AUH: variants seen among roughly 807,000 people sequenced by gnomAD.
AUH encodes methylglutaconyl-CoA hydratase, mitochondrial.
Under a neutral mutation model 42.3 loss-of-function variants are expected in AUH, and 29 were observed. That is an observed-to-expected ratio of 0.69 (90% CI 0.51 to 0.93). AUH has a LOEUF of 0.93. Ranked by LOEUF, AUH falls within the 40% of genes least tolerant of loss-of-function variation. The probability of loss-of-function intolerance (pLI) is 0.00; values close to 1 mark genes in which losing one functional copy is unlikely to be tolerated. For synonymous variants in AUH, 174 were observed against 166.4 expected (o/e 1.05, Z -0.35); for missense variants, 452 against 438.1 (o/e 1.03, Z -0.28).
intron 4 of AUH, among the ~76,000 whole-genome samples, chr9:91,303,487 C>T (rs904544164): frequency 1.3e-5 from 2 of 152,124 alleles, no homozygotes; most frequent in East Asian, 1.9e-4. Context: ...CCCGCCACTA[C>T]GCCCAGCTAA....
intron 1 of AUH, among the ~76,000 whole-genome samples, chr9:91,361,038 C>A (rs545915511): frequency 2.6e-5 from 4 of 152,168 alleles, no homozygotes; most frequent in African/African-American, 9.6e-5. Context: ...AGCTCAAGGG[C>A]AAGATCCATA....
chr9:91,335,394 A>G (rs1362064032), intron 3 of AUH, among the ~76,000 whole-genome samples: 5 of 152,184 alleles, frequency 3.3e-5, no homozygotes, highest in Non-Finnish European at 5.9e-5. Flanking sequence ...TGTGGAATTT[A>G]TATCTATGGC....
chr9:91,352,539 A>T (rs1006444468), intron 3 of AUH, among the ~76,000 whole-genome samples: 9 of 152,172 alleles, frequency 5.9e-5, no homozygotes, highest in South Asian at 2.1e-4. Flanking sequence ...AAAATTGATT[A>T]AAAAACTTAA....
At chr9:91,342,009 G>T (rs1040516217) in intron 3 of AUH, among the ~76,000 whole-genome samples, 21 of 152,194 alleles carry the variant, frequency 1.4e-4, no homozygotes, top group African/African-American at 5.1e-4. Flanking sequence ...TGGGAAATTG[G>T]TGGGAAAAGG....
chr9:91,318,696 T>C (rs10991883), intron 4 of AUH, among the ~76,000 whole-genome samples: 10,944 of 152,284 alleles, frequency 0.072, 685 homozygotes, highest in East Asian at 0.26. Context: ...AAGATGGTGC[T>C]GGCCCCTTCA....
chr9:91,296,037 C>CG lies in AUH; in HGVS notation c.638dup (p.Ile214AspfsTer81). On this transcript the variant is annotated frameshift_variant, in exon 6 of 10. Transcript: ENST00000375731. LOFTEE classifies it high-confidence loss of function. ...TACTCATACCTCCACCAGGAATAAT[C>CG]GCCAATTTTGTTTCAACCAGGCCCA... 6.2e-7 allele frequency: 1 copy of CG among 1,613,956 alleles called. No homozygotes were observed. Among genetic ancestry groups the CG allele is most frequent in the Non-Finnish European group, 8.5e-7 (1 of 1,179,976 alleles).
chr9:91,359,671 T>C (rs10991903), intron 1 of AUH, among the ~76,000 whole-genome samples: 10,708 of 152,184 alleles, frequency 0.07, 670 homozygotes, highest in East Asian at 0.26. Flanking sequence ...AGACCTGGTG[T>C]ATTCTGCACT....
At chr9:91,256,626 G>A (rs989884521) in intron 6 of AUH, among the ~76,000 whole-genome samples, 3 of 152,050 alleles carry the variant, frequency 2.0e-5, no homozygotes, top group East Asian at 3.9e-4. Flanking sequence ...GGAGACTGAG[G>A]TGCCTCCAAG....
intron 4 of AUH, among the ~76,000 whole-genome samples, chr9:91,299,006 G>A (rs1473777360): frequency 6.6e-6 from 1 of 152,100 alleles, no homozygotes; most frequent in Admixed American, 6.5e-5. Flanking sequence ...ATCACCTGAG[G>A]TCAGGAGTTC....
chr9:91,284,516 G>A (rs904869422), intron 6 of AUH, among the ~76,000 whole-genome samples: 1 of 152,182 alleles, frequency 6.6e-6, no homozygotes, highest in African/African-American at 2.4e-5. Context: ...TGCCATCAGC[G>A]TGAACAGGCA....
rs144596739 is a variant in AUH at position 91,354,029 on chromosome 9, G to A, written c.418+1854C>T. The stretch of plus-strand genomic sequence containing the variant: ...CAAAAATACAAAAATTTAGCCAGGC[G>A]TGGTGGCGGGCATCTGTAATCCCAG... On this transcript the variant is annotated intron_variant, in intron 3 of 9. Coordinates refer to ENST00000375731, the MANE Select transcript of AUH (RefSeq NM_001698.3). Among the ~76,000 whole-genome samples, 844 of 150,498 alleles carry A rather than the reference G, an allele frequency of 5.6e-3. 11 individuals are homozygous for A. The highest frequency in any genetic ancestry group is 0.042 in the East Asian group (212 of 5,070).
chr9:91,280,894 T>C (rs1825905983), intron 6 of AUH, among the ~76,000 whole-genome samples: 1 of 152,216 alleles, frequency 6.6e-6, no homozygotes, highest in Admixed American at 6.5e-5. Context: ...AGTCCAATTT[T>C]TCCTACAACA....
At chr9:91,357,934 A>G (rs1832555452) in intron 1 of AUH, among the ~76,000 whole-genome samples, 1 of 152,238 alleles carries the variant, frequency 6.6e-6, no homozygotes, top group African/African-American at 2.4e-5. Flanking sequence ...CGTAGGTATA[A>G]ACATATACAC....
At chr9:91,261,627 G>T (rs545282723) in intron 6 of AUH, among the ~76,000 whole-genome samples, 2 of 152,190 alleles carry the variant, frequency 1.3e-5, no homozygotes, top group Non-Finnish European at 2.9e-5. Flanking sequence ...ATCCTGTGTT[G>T]TATCTCACAT....
intron 6 of AUH, among the ~76,000 whole-genome samples, chr9:91,228,404 CT>C (rs1827652874): frequency 6.8e-6 from 1 of 148,108 alleles, no homozygotes; most frequent in Non-Finnish European, 1.5e-5. Context: ...GTGATATCCC[CT>C]TTATCATTTT....
chr9:91,270,873 AG>A (rs1825069146), intron 6 of AUH, among the ~76,000 whole-genome samples: 1 of 152,154 alleles, frequency 6.6e-6, no homozygotes, highest in Admixed American at 6.5e-5. Flanking sequence ...TAGTATGCAT[AG>A]AAAAATTTCA....
intron 6 of AUH, among the ~76,000 whole-genome samples, chr9:91,225,538 CT>C (rs954897942): frequency 3.6e-4 from 54 of 151,056 alleles, no homozygotes; most frequent in Non-Finnish European, 6.4e-4. Context: ...AGTGCCAGTT[CT>C]TTTTTTTTAT....
At chr9:91,296,561 G>A (rs1347540116) in intron 5 of AUH, among the ~76,000 whole-genome samples, 1 of 152,136 alleles carries the variant, frequency 6.6e-6, no homozygotes, top group East Asian at 1.9e-4. Context: ...ATTCTGACAG[G>A]TGGACAGGGT....
chr9:91,259,747 T>A (rs1209716883), intron 6 of AUH, among the ~76,000 whole-genome samples: 2 of 152,180 alleles, frequency 1.3e-5, no homozygotes, highest in Non-Finnish European at 2.9e-5. Context: ...TAAATATGTC[T>A]TTCGGTTTTT....
Sources: allele counts gnomAD v4.1 joint callset (sites outside exome capture counted in the v4.1 genomes callset), GRCh38; gene constraint gnomAD v4.1.1; transcripts MANE v1.5; gene names NCBI Gene and HGNC (gene_info 2026-07-23, HGNC 2026-07-21).